PGGHG: variants seen among roughly 807,000 people sequenced by gnomAD.
PGGHG encodes the protein ATH1, acid trehalase-like 1.
PGGHG carries 67 observed loss-of-function variants against 74.5 expected under a neutral mutation model. That is an observed-to-expected ratio of 0.90 (90% CI 0.74 to 1.10). The LOEUF (loss-of-function observed/expected upper bound fraction) is 1.10, where lower values mean the gene tolerates loss of function less well. PGGHG is among the 50% of genes least tolerant of loss of function. PGGHG has a pLI of 0.00. For missense variants in PGGHG, 1,034 were observed against 981.5 expected (o/e 1.05, Z -0.72); for synonymous variants, 496 against 419.9 (o/e 1.18, Z -2.21).
Position 290,925 on chromosome 11 carries a change from G to A in PGGHG, c.718G>A (p.Val240Ile), listed in dbSNP as rs774913967. ...CGCACAGGCCTGGGCCCAGCTCTGG[G>A]TAGAATGTGGCTTGGACGTGGTGGG... Reference protein sequence around the residue: ...AHAQAWAQLWVECGLDVVGPL... With the variant: ...AHAQAWAQLWIECGLDVVGPL... The change falls in exon 4 of 14, where the codon GTA (valine) becomes ATA (isoleucine). Residue 240 changes from valine (V) to isoleucine (I), a missense_variant. Transcript: ENST00000409548. The A allele has an allele frequency of 8.7e-5, 140 of 1,612,462 alleles. 1 individual carries two copies. In the Middle Eastern group the frequency reaches 1.8e-3, roughly 21 times the overall value.
chr11:290,999 C>T lies in PGGHG; in HGVS notation c.792C>T (p.Leu264=), dbSNP rs771078047. ...QALRGSLYYL[L]SALPQPKAPG... The stretch of plus-strand genomic sequence containing the variant: ...TGCGTGGCTCCCTCTACTACCTGCT[C>T]AGTGCCCTGCCCCAGCCCAAGGCCC... Residue 264 remains leucine, a synonymous_variant, in exon 4 of 14, where the codon CTC becomes CTT. Coordinates refer to ENST00000409548, the MANE Select transcript of PGGHG (RefSeq NM_025092.5). 2 of 1,612,740 alleles carry T rather than the reference C, an allele frequency of 1.2e-6. No individual in the cohort carries two copies. Among genetic ancestry groups the T allele is most frequent in the South Asian group, 1.1e-5 (1 of 91,082 alleles).
rs754322093 is a variant in PGGHG, at chr11:293,147, G to C, written c.1271-16G>C. 11 of 1,613,728 alleles carry C rather than the reference G, an allele frequency of 6.8e-6. No homozygotes were observed. The South Asian group carries it at 1.2e-4, about 18-fold the overall frequency. Reference sequence around the variant, plus strand: ...GAGACTCTGCACTGAGCACCATCTTGGACTTGTGTGTCCAGGAGTCATGTC... The same window carrying C: ...GAGACTCTGCACTGAGCACCATCTTCGACTTGTGTGTCCAGGAGTCATGTC... On this transcript the variant is annotated splice_polypyrimidine_tract_variant and intron_variant, in intron 7 of 13. Coordinates refer to ENST00000409548, the MANE Select transcript of PGGHG (RefSeq NM_025092.5).
Position 293,522 on chromosome 11 carries a change from G to A in PGGHG, c.1480+20G>A, listed in dbSNP as rs1211474793. The A allele has an allele frequency of 4.3e-6, 7 of 1,611,586 alleles. No individual in the cohort carries two copies. Among genetic ancestry groups the A allele is most frequent in the African/African-American group, 1.3e-5 (1 of 74,896 alleles). ...AGCCTGGTGAGTGGACCCCTTCAAG[G>A]GCTCCTCCCCTGCCGTCGAGACCCT... On this transcript the variant is annotated intron_variant, in intron 9 of 13. Transcript: ENST00000409548.
chr11:289,671 A>T lies in PGGHG; in HGVS notation c.-13-133A>T. ...CGAGGCCCCGTCTAGGAGGGGCCTCAGGAAAATCGGGGCTGCCCAGCTGGT... is the reference window on the plus strand; with the variant it reads ...CGAGGCCCCGTCTAGGAGGGGCCTCTGGAAAATCGGGGCTGCCCAGCTGGT... On this transcript the variant is annotated intron_variant, in intron 1 of 13. Coordinates refer to ENST00000409548, the MANE Select transcript of PGGHG (RefSeq NM_025092.5). This position sits in a 1 kb window ranked among gnomAD's most constrained non-coding sequence, Gnocchi z 5.6. 8.5e-7 allele frequency: 1 copy of T among 1,171,814 alleles called. No homozygotes were observed. The allele number at this position is 1,171,814 out of a possible 1,614,324, so 72.6% of individuals were successfully genotyped here. A position where few individuals can be genotyped will look rare whatever the true frequency, so the allele number is the denominator to read the frequency against.
rs1282288346 is a variant in PGGHG, at chr11:289,778, C to T, written c.-13-26C>T. 11 of 1,532,220 alleles carry T rather than the reference C, an allele frequency of 7.2e-6. No homozygotes were observed. The highest frequency in any genetic ancestry group is 2.0e-4 in the Middle Eastern group (1 of 5,048). 94.9% of individuals were successfully genotyped at this position (1,532,220 alleles called of 1,614,324 possible). A position where few individuals can be genotyped will look rare whatever the true frequency, so the allele number is the denominator to read the frequency against. Reference sequence around the variant, plus strand: ...AGGGAGGCCCAGCCAGTCCCGCGGCCCCTGACACCCCATCAGGCCGCTCAG... The same window carrying T: ...AGGGAGGCCCAGCCAGTCCCGCGGCTCCTGACACCCCATCAGGCCGCTCAG... On this transcript the variant is annotated intron_variant, in intron 1 of 13. Coordinates refer to ENST00000409548, the MANE Select transcript of PGGHG (RefSeq NM_025092.5). This position sits in a 1 kb window ranked among gnomAD's most constrained non-coding sequence, Gnocchi z 5.6.
At position 292,626 on chromosome 11, in the gene PGGHG, C is replaced by T. The variant is rs759761373; in HGVS notation, c.1107C>T (p.His369=). ...PEDIYGVQEV[H]VNGAVVLAFE... ...ACATTTACGGAGTCCAGGAGGTCCA[C>T]GTCAACGGGGCCGTGGTGTTGGCCT... is the stretch of plus-strand genomic sequence containing the variant. The change falls in exon 6 of 14, where the codon CAC becomes CAT. Residue 369 remains histidine (H), a synonymous_variant. Transcript: ENST00000409548. 93 of 1,613,634 alleles carry T rather than the reference C, an allele frequency of 5.8e-5. No individual in the cohort carries two copies. Among genetic ancestry groups the T allele is most frequent in the East Asian group, 5.3e-4 (24 of 44,886 alleles).
At chr11:290,654 T>C (rs902785150) in intron 3 of PGGHG, 24 bp from the exon 4 acceptor site, 1 of 1,610,162 alleles carries the variant, frequency 6.2e-7, no homozygotes, top group Non-Finnish European at 8.5e-7. Context: ...AGCTCATCCC[T>C]GAGGCATGGC....
At position 293,812 on chromosome 11, in the gene PGGHG, T is replaced by C; in HGVS notation, c.1615-18T>C. The C allele has an allele frequency of 6.2e-7, 1 of 1,613,574 alleles. No homozygotes were observed. Among genetic ancestry groups the C allele is most frequent in the Non-Finnish European group, 8.5e-7 (1 of 1,179,962 alleles). On this transcript the variant is annotated intron_variant, in intron 10 of 13. Coordinates refer to ENST00000409548, the MANE Select transcript of PGGHG (RefSeq NM_025092.5). ...CAGTGGGCCTCACCCCTGTGTGTCCTCTTACCTCTGACCCCAGAGCATGTT... is the reference window on the plus strand; with the variant it reads ...CAGTGGGCCTCACCCCTGTGTGTCCCCTTACCTCTGACCCCAGAGCATGTT...
chr11:293,804 G>A (rs748929380), intron 10 of PGGHG, 26 bp from the exon 11 acceptor site: 11 of 1,613,544 alleles, frequency 6.8e-6, no homozygotes, highest in Admixed American at 1.7e-5. Flanking sequence ...CCTCACCCCT[G>A]TGTGTCCTCT....
At position 294,948 on chromosome 11, in the gene PGGHG, C is replaced by T; in HGVS notation, c.*199C>T. Reference sequence around the variant, plus strand: ...GTGGACCCCCGTGGGCAGGTGGCTTCCCCGTGGCATCTCCACACCGCCTCT... The same window carrying T: ...GTGGACCCCCGTGGGCAGGTGGCTTTCCCGTGGCATCTCCACACCGCCTCT... On this transcript the variant is annotated 3_prime_UTR_variant, in exon 14 of 14. Transcript: ENST00000409548. 3.4e-6 allele frequency: 2 copies of T among 586,708 alleles called. No homozygotes were observed. Among genetic ancestry groups the T allele is most frequent in the Non-Finnish European group, 5.7e-6 (2 of 353,208 alleles). 36.3% of individuals were successfully genotyped at this position (586,708 alleles called of 1,614,324 possible). A position where few individuals can be genotyped will look rare whatever the true frequency, so the allele number is the denominator to read the frequency against.
In PGGHG at chr11:293,230, G is replaced by A. The variant is rs1845780302; in HGVS notation, c.1338G>A (p.Gln446=). 1 of 1,613,170 alleles carries A rather than the reference G, an allele frequency of 6.2e-7. No homozygotes were observed. The highest frequency in any genetic ancestry group is 1.3e-5 in the African/African-American group (1 of 74,902). Reference sequence around the variant, plus strand: ...CTGTGTACACCAACGTCCTGGTCCAGAACAGGTCAGACACAAGATCCCCTC... The same window carrying A: ...CTGTGTACACCAACGTCCTGGTCCAAAACAGGTCAGACACAAGATCCCCTC... ...NNSVYTNVLV[Q]NSLRFAAALA... Residue 446 remains glutamine, a synonymous_variant, in exon 8 of 14, where the codon CAG becomes CAA. Coordinates refer to ENST00000409548, the MANE Select transcript of PGGHG (RefSeq NM_025092.5).
At position 292,902 on chromosome 11, in the gene PGGHG, G is replaced by A. The variant is rs538556338; in HGVS notation, c.1175G>A (p.Arg392Gln). 52 of 1,614,076 alleles carry A rather than the reference G, an allele frequency of 3.2e-5. No homozygotes were observed. Among genetic ancestry groups the A allele is most frequent in the Middle Eastern group, 1.7e-4 (1 of 6,050 alleles). Residue 392 changes from arginine (R) to glutamine (Q), a missense_variant, in exon 7 of 14, where the codon CGA becomes CAA. Arg to Gln is a conservative substitution (Grantham distance 43, BLOSUM62 1). Coordinates refer to ENST00000409548, the MANE Select transcript of PGGHG (RefSeq NM_025092.5). ...GCTCCCCAGGACCTGCAGCTATTTC[G>A]AGAGGCTGGTGGCTGGGACGTGGTC... ...YHTTQDLQLF[R>Q]EAGGWDVVRA... is the part of the protein sequence containing the mutation.
chr11:292,011 C>T lies in PGGHG; in HGVS notation c.942C>T (p.His314=), dbSNP rs1489127401. The change falls in exon 5 of 14, where the codon CAC becomes CAT. Residue 314 remains histidine (H), a synonymous_variant. Coordinates refer to ENST00000409548, the MANE Select transcript of PGGHG (RefSeq NM_025092.5). The part of the protein sequence containing the change: ...LWMFPSILMF[H]PEAARAILEY... ...TGTTCCCGAGTATCCTGATGTTCCA[C>T]CCAGAAGCCGCCAGGGCCATCCTGG... The T allele has an allele frequency of 1.9e-6, 3 of 1,610,058 alleles. No individual in the cohort carries two copies. The highest frequency in any genetic ancestry group is 2.7e-5 in the African/African-American group (2 of 74,854).
Position 290,953 on chromosome 11 carries a change from C to T in PGGHG, c.746C>T (p.Pro249Leu), listed in dbSNP as rs767289701. The T allele has an allele frequency of 2.5e-6, 4 of 1,612,778 alleles. No individual in the cohort carries two copies. The highest frequency in any genetic ancestry group is 3.3e-5 in the Admixed American group (2 of 60,016). The change falls in exon 4 of 14, where the codon CCC (proline) becomes CTC (leucine). Residue 249 changes from proline (P) to leucine (L), a missense_variant. By Grantham distance (98) the Pro-to-Leu change is moderately conservative. Transcript: ENST00000409548. ...GAATGTGGCTTGGACGTGGTGGGGC[C>T]CCTGCAGCTGCGCCAGGCCCTGCGT... ...WVECGLDVVGPLQLRQALRGS... is the reference protein window; with the variant it reads ...WVECGLDVVGLLQLRQALRGS...
At position 294,481 on chromosome 11, in the gene PGGHG, A is replaced by G; in HGVS notation, c.2020+3A>G. 1.3e-6 allele frequency: 1 copy of G among 745,156 alleles called. No individual in the cohort carries two copies. The highest frequency in any genetic ancestry group is 1.7e-6 in the Non-Finnish European group (1 of 580,552). The allele number at this position is 745,156 out of a possible 1,614,324, so 46.2% of individuals were successfully genotyped here. ...GTCCCGGCTCTCCCTGTTGCCAGGT[A>G]GAACAGCCCCCAACAGCCCAGGTGC... is the stretch of plus-strand genomic sequence containing the variant. On this transcript the variant is annotated splice_donor_region_variant and intron_variant, in intron 13 of 13. Transcript: ENST00000409548.
In PGGHG at chr11:293,868, A is replaced by G; in HGVS notation, c.1653A>G (p.Ala551=). The part of the protein sequence containing the change: ...FAVGWMELKD[A]VRARGLLDRS... ...TGGGCTGGATGGAGCTGAAGGACGCAGTGCGGGCCCGGGGCCTCCTGGACA... is the reference window on the plus strand; with the variant it reads ...TGGGCTGGATGGAGCTGAAGGACGCGGTGCGGGCCCGGGGCCTCCTGGACA... Residue 551 remains alanine, a synonymous_variant, in exon 11 of 14, where the codon GCA becomes GCG. Transcript: ENST00000409548. The G allele has an allele frequency of 1.9e-6, 3 of 1,613,682 alleles. No individual in the cohort carries two copies. Among genetic ancestry groups the G allele is most frequent in the Admixed American group, 1.7e-5 (1 of 60,014 alleles).
rs549887345 is a variant in PGGHG, at chr11:293,661, T to C, written c.1548T>C (p.Asp516=). Residue 516 remains aspartate (D), a synonymous_variant, in exon 10 of 14, where the codon GAT becomes GAC. Coordinates refer to ENST00000409548, the MANE Select transcript of PGGHG (RefSeq NM_025092.5). ...CAGTCCCCTTCTCCCTGAGTCCTGA[T>C]GTTCGCAGGAAAAATCTGGAGATTT... The part of the protein sequence containing the change: ...GYPVPFSLSP[D]VRRKNLEIYE... The C allele has an allele frequency of 5.6e-6, 9 of 1,613,402 alleles. No homozygotes were observed. In the South Asian group the frequency reaches 8.8e-5, roughly 16 times the overall value.
In PGGHG at chr11:290,716, G is replaced by T. The variant is rs773299991; in HGVS notation, c.509G>T (p.Gly170Val). The T allele has an allele frequency of 1.2e-6, 2 of 1,604,740 alleles. No homozygotes were observed. The highest frequency in any genetic ancestry group is 3.4e-5 in the Admixed American group (2 of 59,544). The change falls in exon 4 of 14, where the codon GGG (glycine) becomes GTG (valine). Residue 170 changes from glycine (G) to valine (V), a missense_variant. Physicochemically the swap from Gly to Val is moderately radical, Grantham distance 109. Coordinates refer to ENST00000409548, the MANE Select transcript of PGGHG (RefSeq NM_025092.5). The part of the protein sequence containing the change: ...YGHTLTPEQP[G>V]GPQQEVHMLW... ...CACACCCTCACCCCTGAGCAGCCCG[G>T]GGGGCCACAGCAAGAGGTACACATG...
intron 6 of PGGHG, 73 bp from the exon 7 acceptor site, chr11:292,813 T>A: frequency 6.2e-7 from 1 of 1,610,102 alleles, no homozygotes; most frequent in Non-Finnish European, 8.5e-7. Context: ...AGGCCTTGCT[T>A]CTGGGCACAG....
Sources: allele counts gnomAD v4.1 joint callset, GRCh38; gene constraint gnomAD v4.1.1; non-coding constraint Gnocchi (gnomAD v3.1); transcripts MANE v1.5; gene names NCBI Gene and HGNC (gene_info 2026-07-23, HGNC 2026-07-21).